AP1G2: variants seen among roughly 807,000 people sequenced by gnomAD.
AP1G2 encodes AP-1 complex subunit gamma-like 2.
In AP1G2, 85 loss-of-function variants were observed where a neutral mutation model predicts 95.8. The ratio of observed to expected loss-of-function variants is 0.89; its 90% CI spans 0.74 to 1.06. AP1G2 has a LOEUF of 1.06. AP1G2 is among the 50% of genes least tolerant of loss of function. AP1G2 has a pLI of 0.00. For synonymous variants in AP1G2, 378 were observed against 400.0 expected (o/e 0.94, Z 0.66); for missense variants, 967 against 1,005.8 (o/e 0.96, Z 0.52).
intron 4 of AP1G2, 24 bp from the exon 5 acceptor site, chr14:23,566,184 CAG>C (rs774429098): frequency 2.8e-5 from 45 of 1,594,402 alleles, no homozygotes; most frequent in Admixed American, 6.8e-5. Context: ...GGGCCTCAGA[CAG>C]GGGTCAGAGG....
At chr14:23,559,917 G>C in intron 21 of AP1G2, 21 bp downstream of exon 21, 1 of 1,611,252 alleles carries the variant, frequency 6.2e-7, no homozygotes, top group Non-Finnish European at 8.5e-7. Context: ...GTCTTGTCTT[G>C]GGGGAACTCC....
Position 23,562,298 on chromosome 14 carries a change from C to T in AP1G2, c.1618G>A (p.Gly540Arg). Residue 540 changes from glycine to arginine, a missense_variant, in exon 16 of 22, where the codon GGG becomes AGG. Transcript: ENST00000397120. ...ALMKLSTRLC[G>R]DNNRIRQVVS... ...GGGACCCCTTCTTACTTGTTGTCCC[C>T]ACAGAGGCGAGTGCTGAGCTTCATG... The T allele has an allele frequency of 6.2e-7, 1 of 1,614,196 alleles. No individual in the cohort carries two copies. The highest frequency in any genetic ancestry group is 8.5e-7 in the Non-Finnish European group (1 of 1,180,030).
intron 15 of AP1G2, 33 bp from the exon 16 acceptor site, chr14:23,562,448 G>A: frequency 6.2e-7 from 1 of 1,614,026 alleles, no homozygotes; most frequent in East Asian, 2.2e-5. Flanking sequence ...TGGCCCTGGT[G>A]CAAGTCCTGT....
At position 23,567,567 on chromosome 14, in the gene AP1G2, C is replaced by A; in HGVS notation, c.-6+172G>T. ...TATTGAGCATGCGCGGGAGCCCCAC[C>A]TATTTCTCTCTACCGTTTCCTCCCC... On this transcript the variant is annotated intron_variant, in intron 1 of 21. Transcript: ENST00000397120. This position sits in a 1 kb window ranked among gnomAD's most constrained non-coding sequence, Gnocchi z 5.3. 1 of 1,303,150 alleles carries A rather than the reference C, an allele frequency of 7.7e-7. No individual in the cohort carries two copies. 80.7% of individuals were successfully genotyped at this position (1,303,150 alleles called of 1,614,324 possible). A position where few individuals can be genotyped will look rare whatever the true frequency, so the allele number is the denominator to read the frequency against.
In AP1G2 at chr14:23,562,764, G is replaced by C. The variant is rs1885689007; in HGVS notation, c.1411-171C>G. On this transcript the variant is annotated intron_variant, in intron 14 of 21. Coordinates refer to ENST00000397120, the MANE Select transcript of AP1G2 (RefSeq NM_003917.5). ...TCTATTTTAAAAAAAAAAAGAGAGAGAGAGAAAGAAAGAAACACTGCTGGG... is the reference window on the plus strand; with the variant it reads ...TCTATTTTAAAAAAAAAAAGAGAGACAGAGAAAGAAAGAAACACTGCTGGG... The C allele has an allele frequency of 8.8e-6, 6 of 678,830 alleles. 1 individual carries two copies. The South Asian group carries it at 9.8e-5, about 11-fold the overall frequency. The allele number at this position is 678,830 out of a possible 1,614,324, so 42.1% of individuals were successfully genotyped here.
chr14:23,560,404 G>C lies in AP1G2; in HGVS notation c.2008C>G (p.Leu670Val). 1 of 1,613,600 alleles carries C rather than the reference G, an allele frequency of 6.2e-7. No homozygotes were observed. Among genetic ancestry groups the C allele is most frequent in the Non-Finnish European group, 8.5e-7 (1 of 1,179,664 alleles). ...ACTCCCTCACGCTCAAACACTTTGA[G>C]ATCTGGGATGGGAGCTGGAGTAGGG... The part of the protein sequence containing the change: ...VPPPPAPIPD[L>V]KVFEREGVQL... The change falls in exon 20 of 22, where the codon CTC becomes GTC. Residue 670 changes from leucine (L) to valine (V), a missense_variant. By Grantham distance (32) the Leu-to-Val change is conservative (BLOSUM62 1). Coordinates refer to ENST00000397120, the MANE Select transcript of AP1G2 (RefSeq NM_003917.5).
chr14:23,565,722 T>G, intron 6 of AP1G2, 21 bp from the exon 7 acceptor site: 1 of 1,611,486 alleles, frequency 6.2e-7, no homozygotes, highest in Non-Finnish European at 8.5e-7. Flanking sequence ...GGCACAACTT[T>G]GGGCATTCGT....
chr14:23,559,721 G>A lies in AP1G2; in HGVS notation c.*28C>T, dbSNP rs773005007. On this transcript the variant is annotated 3_prime_UTR_variant, in exon 22 of 22. Coordinates refer to ENST00000397120, the MANE Select transcript of AP1G2 (RefSeq NM_003917.5). Reference sequence around the variant, plus strand: ...GGGCCCCCTGGGGTTTGGGACACAGGAGAATTTCAGGCTGTGAGTGGAGAC... The same window carrying A: ...GGGCCCCCTGGGGTTTGGGACACAGAAGAATTTCAGGCTGTGAGTGGAGAC... 5 of 1,610,468 alleles carry A rather than the reference G, an allele frequency of 3.1e-6. No individual in the cohort carries two copies. The highest frequency in any genetic ancestry group is 3.4e-6 in the Non-Finnish European group (4 of 1,177,514).
At chr14:23,566,751 C>A in intron 2 of AP1G2, 65 bp from the exon 3 acceptor site, 2 of 1,585,096 alleles carry the variant, frequency 1.3e-6, no homozygotes, top group Non-Finnish European at 1.7e-6. Context: ...CATCCCTGTT[C>A]CATCTTCCTC....
rs1886165100 is a variant in AP1G2, at chr14:23,563,502, C to G, written c.1288G>C (p.Ala430Pro). ...GCATCATCCCGCACATGGGTGCCCGCCTGGAAGGTGTGGGCATGGCCAAGT... is the reference window on the plus strand; with the variant it reads ...GCATCATCCCGCACATGGGTGCCCGGCTGGAAGGTGTGGGCATGGCCAAGT... ...IDTILHVLTTAGTHVRDDAVA... is the reference protein window; with the variant it reads ...IDTILHVLTTPGTHVRDDAVA... Residue 430 changes from alanine to proline, a missense_variant and splice_region_variant, in exon 14 of 22, where the codon GCG becomes CCG. Coordinates refer to ENST00000397120, the MANE Select transcript of AP1G2 (RefSeq NM_003917.5). The G allele has an allele frequency of 6.2e-7, 1 of 1,614,072 alleles. No homozygotes were observed. The highest frequency in any genetic ancestry group is 8.5e-7 in the Non-Finnish European group (1 of 1,180,020).
chr14:23,566,020 G>T, intron 5 of AP1G2, 44 bp downstream of exon 5: 1 of 1,613,992 alleles, frequency 6.2e-7, no homozygotes, highest in Non-Finnish European at 8.5e-7. Flanking sequence ...CAATTCTTCT[G>T]TCCATAGACC....
chr14:23,562,759 AG>A, intron 14 of AP1G2, 166 bp from the exon 15 acceptor site: 5 of 547,846 alleles, frequency 9.1e-6, no homozygotes, highest in Non-Finnish European at 5.8e-6. Flanking sequence ...AAAAAAAAAG[AG>A]AGAGAGAGAA....
At chr14:23,561,105 GA>G (rs1884348602) in intron 19 of AP1G2, 190 bp downstream of exon 19, 3 of 1,322,788 alleles carry the variant, frequency 2.3e-6, no homozygotes, top group Admixed American at 6.9e-5. Flanking sequence ...GTAGGCCAGG[GA>G]AAGAAGTCTG....
rs762197219 is a variant in AP1G2 at position 23,559,962 on chromosome 14, G to A, written c.2232C>T (p.Leu744=). Residue 744 remains leucine, a synonymous_variant, in exon 21 of 22, where the codon CTC becomes CTT. Coordinates refer to ENST00000397120, the MANE Select transcript of AP1G2 (RefSeq NM_003917.5). ...CCTTGTTAGGATTGAGGATTCTGAA[G>A]AGCTGGGTGATAGGAAGGCCACCCC... is the stretch of plus-strand genomic sequence containing the variant. ...PARGGLPITQ[L]FRILNPNKAP... is the part of the protein sequence containing the mutation. 3.1e-6 allele frequency: 5 copies of A among 1,613,420 alleles called. No individual in the cohort carries two copies. The highest frequency in any genetic ancestry group is 1.1e-5 in the South Asian group (1 of 90,958).
chr14:23,560,022 C>T lies in AP1G2; in HGVS notation c.2172G>A (p.Gln724=), dbSNP rs35523637. 5,655 of 1,608,434 alleles carry T rather than the reference C, an allele frequency of 3.5e-3. 172 individuals carry two copies. The African/African-American group carries it at 0.064, about 18-fold the overall frequency. ...CTGTGTTCCCACTGGGGGCCTGCAGCTGCAGCTGGAGACTCTGAACACAGG... is the reference window on the plus strand; with the variant it reads ...CTGTGTTCCCACTGGGGGCCTGCAGTTGCAGCTGGAGACTCTGAACACAGG... The part of the protein sequence containing the change: ...QAAVPKSLQL[Q]LQAPSGNTVP... The change falls in exon 21 of 22, where the codon CAG becomes CAA. Residue 724 remains glutamine, a synonymous_variant. Transcript: ENST00000397120.
At position 23,559,955 on chromosome 14, in the gene AP1G2, T is replaced by A; in HGVS notation, c.2239A>T (p.Ile747Phe). The change falls in exon 21 of 22, where the codon ATC becomes TTC. Residue 747 changes from isoleucine (I) to phenylalanine (F), a missense_variant. Physicochemically the swap from Ile to Phe is conservative, Grantham distance 21. Coordinates refer to ENST00000397120, the MANE Select transcript of AP1G2 (RefSeq NM_003917.5). ...AAGCTCACCTTGTTAGGATTGAGGA[T>A]TCTGAAGAGCTGGGTGATAGGAAGG... is the stretch of plus-strand genomic sequence containing the variant. ...GGLPITQLFR[I>F]LNPNKAPLRL... is the part of the protein sequence containing the mutation. The A allele has an allele frequency of 6.8e-6, 11 of 1,613,324 alleles. No individual in the cohort carries two copies. The highest frequency in any genetic ancestry group is 9.3e-6 in the Non-Finnish European group (11 of 1,179,492).
chr14:23,567,476 C>G lies in AP1G2; in HGVS notation c.-5-157G>C. 7.2e-7 allele frequency: 1 copy of G among 1,393,556 alleles called. No individual in the cohort carries two copies. The highest frequency in any genetic ancestry group is 9.2e-7 in the Non-Finnish European group (1 of 1,081,744). 86.3% of individuals were successfully genotyped at this position (1,393,556 alleles called of 1,614,324 possible). The stretch of plus-strand genomic sequence containing the variant: ...CTTTCCCGAAGTGGGTCTCCAAATT[C>G]CGCGCCCACCCCACCGCCCGAGAAG... On this transcript the variant is annotated intron_variant, in intron 1 of 21. Transcript: ENST00000397120. The surrounding 1 kb of genome is among the most constrained non-coding windows in gnomAD (Gnocchi z 5.3).
intron 17 of AP1G2, 59 bp downstream of exon 17, chr14:23,561,903 G>A (rs553433716): frequency 6.5e-7 from 1 of 1,544,804 alleles, no homozygotes; most frequent in Admixed American, 2.0e-5. Context: ...ACCTAGAAAA[G>A]GGCATTTGGG....
In AP1G2 at chr14:23,567,671, C is replaced by G; in HGVS notation, c.-6+68G>C. On this transcript the variant is annotated intron_variant, in intron 1 of 21. Coordinates refer to ENST00000397120, the MANE Select transcript of AP1G2 (RefSeq NM_003917.5). The surrounding 1 kb of genome is among the most constrained non-coding windows in gnomAD (Gnocchi z 5.3). Reference sequence around the variant, plus strand: ...CGCTGTTTCTTCCGCGAGCTTCCTCCCCCGATTTCCATCTCAGGCAGCGGC... The same window carrying G: ...CGCTGTTTCTTCCGCGAGCTTCCTCGCCCGATTTCCATCTCAGGCAGCGGC... The G allele has an allele frequency of 1.2e-5, 12 of 977,658 alleles. No individual in the cohort carries two copies. Among genetic ancestry groups the G allele is most frequent in the African/African-American group, 1.7e-5 (1 of 57,604 alleles). The allele number at this position is 977,658 out of a possible 1,614,324, so 60.6% of individuals were successfully genotyped here. A position where few individuals can be genotyped will look rare whatever the true frequency, so the allele number is the denominator to read the frequency against.
Sources: allele counts gnomAD v4.1 joint callset, GRCh38; gene constraint gnomAD v4.1.1; non-coding constraint Gnocchi (gnomAD v3.1); transcripts MANE v1.5; gene names NCBI Gene and HGNC (gene_info 2026-07-23, HGNC 2026-07-21).